The following DCC variants were observed in gnomAD, a reference collection of about 807,000 sequenced individuals.
DCC encodes the protein netrin receptor DCC.
A neutral mutation model predicts 172.5 loss-of-function variants in DCC; 58 were observed. The ratio of observed to expected loss-of-function variants is 0.34; its 90% CI spans 0.27 to 0.42. The LOEUF is 0.42. Among genes scored for constraint, DCC ranks in the 10% least tolerant of loss-of-function variants. DCC has a pLI of 1.00. For missense variants in DCC, 1,740 were observed against 1,791.0 expected (o/e 0.97, Z 0.51); for synonymous variants, 709 against 644.5 (o/e 1.10, Z -1.52).
Position 53,404,262 on chromosome 18 carries a change from A to T in DCC, c.2935+1369A>T, listed in dbSNP as rs532538724. On this transcript the variant is annotated intron_variant, in intron 19 of 28. Coordinates refer to ENST00000442544, the MANE Select transcript of DCC (RefSeq NM_005215.4). The stretch of plus-strand genomic sequence containing the variant: ...TAAAAACAGGTTCTGATAGAAAAAG[A>T]TGTTTTTGGCAAAGGAAAAATAAGT... Among the ~76,000 whole-genome samples the T allele has an allele frequency of 1.3e-4, 7 of 53,994 alleles. No individual in the cohort carries two copies. In the East Asian group the frequency reaches 1.7e-3, roughly 13 times the overall value. 35.4% of individuals were successfully genotyped at this position (53,994 alleles called of 152,430 possible).
chr18:53,014,354 C>T (rs1226732415), intron 5 of DCC, among the ~76,000 whole-genome samples: 1 of 151,778 alleles, frequency 6.6e-6, no homozygotes, highest in Non-Finnish European at 1.5e-5. Context: ...CATATGTATA[C>T]ATGTGCCATG....
At position 53,327,995 on chromosome 18, in the gene DCC, A is replaced by T. The variant is rs527362118; in HGVS notation, c.2164+5838A>T. ...TGTGAAATTTAAGACTCAGCCCCTTATTACCATTCAAGTGGATTTCATCTT... is the reference window on the plus strand; with the variant it reads ...TGTGAAATTTAAGACTCAGCCCCTTTTTACCATTCAAGTGGATTTCATCTT... On this transcript the variant is annotated intron_variant, in intron 14 of 28. Coordinates refer to ENST00000442544, the MANE Select transcript of DCC (RefSeq NM_005215.4). Among the ~76,000 whole-genome samples the T allele has an allele frequency of 3.3e-5, 5 of 152,304 alleles. No individual in the cohort carries two copies. The South Asian group carries it at 1.0e-3, about 32-fold the overall frequency.
At chr18:53,502,637 T>A (rs2046117674) in intron 27 of DCC, among the ~76,000 whole-genome samples, 1 of 152,182 alleles carries the variant, frequency 6.6e-6, no homozygotes, top group South Asian at 2.1e-4. Context: ...ATACCTCAAA[T>A]AATTTTACTG....
chr18:52,522,916 G>C (rs760620602), intron 1 of DCC, among the ~76,000 whole-genome samples: 1 of 152,190 alleles, frequency 6.6e-6, no homozygotes, highest in Non-Finnish European at 1.5e-5. Context: ...GGTAATTCTA[G>C]CACCACAGTT....
intron 2 of DCC, among the ~76,000 whole-genome samples, chr18:52,818,460 C>A (rs11664482): frequency 0.5 from 73,845 of 149,142 alleles, 21,183 homozygotes; most frequent in Non-Finnish European, 0.65. Context: ...AGATGAAAAG[C>A]ATATATATCA....
intron 5 of DCC, among the ~76,000 whole-genome samples, chr18:52,944,547 G>T (rs1598956465): frequency 6.6e-6 from 1 of 152,322 alleles, no homozygotes; most frequent in East Asian, 1.9e-4. Flanking sequence ...AGTGACAGGA[G>T]AAGGAGTGGG....
At chr18:53,137,979 C>A (rs1255733529) in intron 7 of DCC, among the ~76,000 whole-genome samples, 1 of 148,046 alleles carries the variant, frequency 6.8e-6, no homozygotes, top group African/African-American at 2.6e-5. Context: ...CCATGCCCTG[C>A]TAACTGTTTT....
intron 1 of DCC, among the ~76,000 whole-genome samples, chr18:52,542,815 G>A (rs979701964): frequency 6.6e-6 from 1 of 152,092 alleles, no homozygotes; most frequent in Non-Finnish European, 1.5e-5. Flanking sequence ...CTCCAGCCTG[G>A]GTGACAAGGG....
intron 5 of DCC, among the ~76,000 whole-genome samples, chr18:52,965,844 C>G (rs925099048): frequency 1.3e-5 from 2 of 152,118 alleles, no homozygotes; most frequent in African/African-American, 4.8e-5. Flanking sequence ...CCACTGGATC[C>G]ATTAGCTCAA....
At chr18:52,519,882 G>C (rs1490738497) in intron 1 of DCC, among the ~76,000 whole-genome samples, 2 of 152,144 alleles carry the variant, frequency 1.3e-5, no homozygotes, top group African/African-American at 4.8e-5. Flanking sequence ...CAAAGAAATA[G>C]TGGGCAATGA....
At chr18:52,557,941 G>A (rs1598911901) in intron 1 of DCC, among the ~76,000 whole-genome samples, 2 of 152,128 alleles carry the variant, frequency 1.3e-5, no homozygotes, top group African/African-American at 2.4e-5. Flanking sequence ...GATTACAAAC[G>A]TGAGCCACAG....
At chr18:53,376,270 G>C (rs1263091364) in intron 15 of DCC, among the ~76,000 whole-genome samples, 1 of 152,030 alleles carries the variant, frequency 6.6e-6, no homozygotes, top group African/African-American at 2.4e-5. Flanking sequence ...TGTACTCCCA[G>C]CTACTCGGGA....
At position 53,232,987 on chromosome 18, in the gene DCC, A is replaced by T. The variant is rs201006112; in HGVS notation, c.1911+17390A>T. Among the ~76,000 whole-genome samples, 1,372 of 151,752 alleles carry T rather than the reference A, an allele frequency of 9.0e-3. 48 individuals are homozygous for T. The East Asian group carries it at 0.1, about 11-fold the overall frequency. On this transcript the variant is annotated intron_variant, in intron 12 of 28. Coordinates refer to ENST00000442544, the MANE Select transcript of DCC (RefSeq NM_005215.4). ...TTCTTATTTTCTCACTCTCCTTTTA[A>T]AACTGGACCTTGTGGTTGATCAAGT...
Position 52,548,335 on chromosome 18 carries a change from A to G in DCC, c.92-203719A>G, listed in dbSNP as rs531988349. On this transcript the variant is annotated intron_variant, in intron 1 of 28. Coordinates refer to ENST00000442544, the MANE Select transcript of DCC (RefSeq NM_005215.4). ...TGTAAATAATTAATATGTGTTTCCCATCATATATATCAGTGCTGGGGTAAA... is the reference window on the plus strand; with the variant it reads ...TGTAAATAATTAATATGTGTTTCCCGTCATATATATCAGTGCTGGGGTAAA... Among the ~76,000 whole-genome samples the G allele has an allele frequency of 3.3e-5, 5 of 152,190 alleles. No homozygotes were observed. In the East Asian group the frequency reaches 7.7e-4, roughly 24 times the overall value.
intron 1 of DCC, among the ~76,000 whole-genome samples, chr18:52,645,499 T>A (rs2035001751): frequency 6.6e-6 from 1 of 152,182 alleles, no homozygotes; most frequent in Admixed American, 6.5e-5. Flanking sequence ...GATCTGAAAA[T>A]TTTAAAAAAC....
At chr18:52,907,241 C>CATATATACATGACATGTCATGG (rs1568179851) in intron 3 of DCC, among the ~76,000 whole-genome samples, 1 of 102,656 alleles carries the variant, frequency 9.7e-6, no homozygotes, top group African/African-American at 3.6e-5. Context: ...TGATAGATAT[C>CATATATACATGACATGTCATGG]ATATATACAT....
intron 15 of DCC, among the ~76,000 whole-genome samples, chr18:53,354,271 T>C (rs1410548066): frequency 1.3e-5 from 2 of 152,220 alleles, no homozygotes; most frequent in African/African-American, 4.8e-5. Context: ...CCTTTGGGTA[T>C]ATACCCAGTA....
At chr18:52,900,239 G>C (rs1339706952) in intron 2 of DCC, among the ~76,000 whole-genome samples, 1 of 152,146 alleles carries the variant, frequency 6.6e-6, no homozygotes, top group Non-Finnish European at 1.5e-5. Flanking sequence ...TCCTTGCATG[G>C]GTAGTTAATA....
Position 52,863,460 on chromosome 18 carries a change from T to G in DCC, c.413-42584T>G, listed in dbSNP as rs1040128619. Among the ~76,000 whole-genome samples, 3 of 151,772 alleles carry G rather than the reference T, an allele frequency of 2.0e-5. No homozygotes were observed. The East Asian group carries it at 5.8e-4, about 29-fold the overall frequency. The stretch of plus-strand genomic sequence containing the variant: ...TTTTTCTATATGGAACAGGACATAT[T>G]TACTAGCAGACCTACATAACTTTTG... On this transcript the variant is annotated intron_variant, in intron 2 of 28. Coordinates refer to ENST00000442544, the MANE Select transcript of DCC (RefSeq NM_005215.4).
Sources: gnomAD v4.1 joint callset for allele counts (sites outside exome capture counted in the v4.1 genomes callset) on GRCh38, gnomAD v4.1.1 for gene constraint, MANE v1.5 for transcripts, NCBI Gene and HGNC (gene_info 2026-07-23, HGNC 2026-07-21) for gene names.